The following GRAMD2B variants were observed in gnomAD, a reference collection of about 807,000 sequenced individuals.
GRAMD2B encodes the protein GRAM domain containing 2B.
GRAMD2B carries 41 observed loss-of-function variants against 59.2 expected under a neutral mutation model. The ratio of observed to expected loss-of-function variants is 0.69; its 90% CI spans 0.54 to 0.90. The LOEUF (loss-of-function observed/expected upper bound fraction) is 0.90. GRAMD2B is among the 40% of genes least tolerant of loss of function. The pLI is 0.00. For missense variants in GRAMD2B, 424 were observed against 500.5 expected (o/e 0.85, Z 1.46); for synonymous variants, 161 against 182.7 (o/e 0.88, Z 0.96).
chr5:126,415,266 A>G (rs368389519), intron 1 of GRAMD2B, among the ~76,000 whole-genome samples: 9 of 152,170 alleles, frequency 5.9e-5, no homozygotes, highest in African/African-American at 2.2e-4. Context: ...TCTCCATTTA[A>G]CACCATGATG....
intron 1 of GRAMD2B, among the ~76,000 whole-genome samples, chr5:126,385,672 TTGG>T (rs1756060164): frequency 6.6e-6 from 1 of 152,178 alleles, no homozygotes; most frequent in African/African-American, 2.4e-5. Context: ...TAGAGATCCA[TTGG>T]TGAATAAAAC....
At chr5:126,437,587 G>C (rs1762615236) in intron 1 of GRAMD2B, among the ~76,000 whole-genome samples, 1 of 152,030 alleles carries the variant, frequency 6.6e-6, no homozygotes, top group Admixed American at 6.6e-5. Context: ...TTCTGTGTTG[G>C]GATGAAGATC....
At chr5:126,447,557 A>G (rs371737025) in intron 1 of GRAMD2B, among the ~76,000 whole-genome samples, 1,748 of 151,802 alleles carry the variant, frequency 0.012, 18 homozygotes, top group Non-Finnish European at 0.019. Flanking sequence ...CCAGCTACTC[A>G]GGAGGCTGAG....
intron 1 of GRAMD2B, among the ~76,000 whole-genome samples, chr5:126,435,800 T>G (rs897311678): frequency 5.3e-5 from 8 of 152,354 alleles, no homozygotes; most frequent in Admixed American, 2.6e-4. Flanking sequence ...CTTTCTTATG[T>G]GGTTTGGCCT....
intron 1 of GRAMD2B, among the ~76,000 whole-genome samples, chr5:126,424,337 G>T (rs572741223): frequency 1.3e-5 from 2 of 152,104 alleles, no homozygotes; most frequent in South Asian, 2.1e-4. Flanking sequence ...CTACAAAGTG[G>T]TATTTTCTAA....
chr5:126,491,542 G>A (rs139733754), intron 13 of GRAMD2B, among the ~76,000 whole-genome samples: 25 of 152,232 alleles, frequency 1.6e-4, no homozygotes, highest in Non-Finnish European at 3.1e-4. Flanking sequence ...GTATGGCTCA[G>A]GAGCAGGCAT....
intron 1 of GRAMD2B, among the ~76,000 whole-genome samples, chr5:126,414,788 G>C (rs1203171375): frequency 6.6e-6 from 1 of 152,120 alleles, no homozygotes; most frequent in Admixed American, 6.5e-5. Flanking sequence ...TTTAAACGTA[G>C]AAGCTAATGC....
chr5:126,419,880 C>A (rs1237445219), upstream of GRAMD2B, among the ~76,000 whole-genome samples: 1 of 151,798 alleles, frequency 6.6e-6, no homozygotes, highest in Non-Finnish European at 1.5e-5. Flanking sequence ...TATGGTGAAA[C>A]CCCGTCTCCA....
intron 1 of GRAMD2B, among the ~76,000 whole-genome samples, chr5:126,397,288 G>A (rs1757438987): frequency 6.6e-6 from 1 of 152,130 alleles, no homozygotes; most frequent in South Asian, 2.1e-4. Flanking sequence ...AGAGTGGTGT[G>A]ATCTTGGCTC....
At chr5:126,409,689 T>C (rs1231370151) in intron 1 of GRAMD2B, among the ~76,000 whole-genome samples, 1 of 152,206 alleles carries the variant, frequency 6.6e-6, no homozygotes, top group Admixed American at 6.5e-5. Context: ...GCTCTTTGGT[T>C]TAACTAGATC....
At position 126,461,422 on chromosome 5, in the gene GRAMD2B, C is replaced by G. The variant is rs73338023; in HGVS notation, c.84-4004C>G. On this transcript the variant is annotated intron_variant, in intron 1 of 13. Coordinates refer to ENST00000285689, the MANE Select transcript of GRAMD2B (RefSeq NM_023927.4). ...TATTAGATGGCTGATAGGGATTGTA[C>G]AACCTGTTTTTGTATGTATAAATTG... Among the ~76,000 whole-genome samples, 302 of 152,298 alleles carry G rather than the reference C, an allele frequency of 2.0e-3. 1 individual carries two copies. The highest frequency in any genetic ancestry group is 7.0e-3 in the African/African-American group (290 of 41,578).
intron 1 of GRAMD2B, chr5:126,433,466 G>C (rs934966066): frequency 6.6e-6 from 1 of 152,164 alleles, no homozygotes; most frequent in Non-Finnish European, 1.5e-5. Flanking sequence ...CTTAACTTTT[G>C]TGTGTGTGTT....
chr5:126,452,156 G>A (rs72784530), intron 1 of GRAMD2B, among the ~76,000 whole-genome samples: 4,788 of 152,220 alleles, frequency 0.031, 156 homozygotes, highest in African/African-American at 0.086. Flanking sequence ...TATTTCTCAT[G>A]GTTTTGGAGG....
chr5:126,424,714 T>TTA (rs1313499030), intron 1 of GRAMD2B, among the ~76,000 whole-genome samples: 2 of 152,234 alleles, frequency 1.3e-5, no homozygotes, highest in African/African-American at 4.8e-5. Flanking sequence ...ACCTAGAGCC[T>TTA]TAGCCTCCTA....
At chr5:126,381,210 T>C (rs1755627733) in intron 1 of GRAMD2B, among the ~76,000 whole-genome samples, 1 of 152,226 alleles carries the variant, frequency 6.6e-6, no homozygotes, top group Admixed American at 6.5e-5. Flanking sequence ...ATTTATTGAC[T>C]TGGGGATGTT....
chr5:126,407,757 G>A (rs1758386370), intron 1 of GRAMD2B, among the ~76,000 whole-genome samples: 1 of 152,036 alleles, frequency 6.6e-6, no homozygotes, highest in South Asian at 2.1e-4. Context: ...CTAAAGGAGG[G>A]CAATATTCTC....
chr5:126,383,383 G>A (rs1755826408), intron 1 of GRAMD2B, among the ~76,000 whole-genome samples: 1 of 152,186 alleles, frequency 6.6e-6, no homozygotes, highest in Non-Finnish European at 1.5e-5. Context: ...ACCTAGCATG[G>A]AGCTACATGG....
intron 8 of GRAMD2B, 65 bp downstream of exon 8, chr5:126,480,772 G>A: frequency 7.1e-7 from 1 of 1,409,502 alleles, no homozygotes; most frequent in Admixed American, 1.7e-5. Flanking sequence ...TTACACTTGT[G>A]CTTACACCAT....
intron 1 of GRAMD2B, among the ~76,000 whole-genome samples, chr5:126,396,052 C>T (rs753191801): frequency 4.6e-5 from 7 of 152,100 alleles, no homozygotes; most frequent in African/African-American, 7.2e-5. Flanking sequence ...ACATCCTCAC[C>T]AACACTTATA....
Sources: gnomAD v4.1 joint callset for allele counts (sites outside exome capture counted in the v4.1 genomes callset) on GRCh38, gnomAD v4.1.1 for gene constraint, MANE v1.5 for transcripts, NCBI Gene and HGNC (gene_info 2026-07-23, HGNC 2026-07-21) for gene names.